SGCZ: variants seen among roughly 807,000 people sequenced by gnomAD.
The protein encoded by SGCZ is sarcoglycan zeta.
SGCZ carries 40 observed loss-of-function variants against 41.3 expected under a neutral mutation model. The observed-to-expected ratio is 0.97, with a 90% CI of 0.75 to 1.26. SGCZ has a LOEUF of 1.26. Ranked by LOEUF, SGCZ falls within the 50% of genes most tolerant of loss-of-function variation. The pLI is 0.00. For missense variants in SGCZ, 552 were observed against 369.8 expected, an observed-to-expected ratio of 1.49 and a Z score of -4.04; for synonymous variants, 206 against 137.5, an observed-to-expected ratio of 1.50 and a Z score of -3.49.
At chr8:14,973,531 A>C (rs1585426393) in intron 1 of SGCZ, among the ~76,000 whole-genome samples, 1 of 152,166 alleles carries the variant, frequency 6.6e-6, no homozygotes, top group Non-Finnish European at 1.5e-5. Context: ...TTGCTTTGAC[A>C]CTACCGTAAT....
At chr8:14,945,393 T>G (rs1482666360) in intron 1 of SGCZ, among the ~76,000 whole-genome samples, 2 of 152,084 alleles carry the variant, frequency 1.3e-5, no homozygotes, top group African/African-American at 4.8e-5. Flanking sequence ...CAATTATAAC[T>G]TATAAGGTTG....
chr8:14,816,199 G>C (rs1317947412), intron 1 of SGCZ, among the ~76,000 whole-genome samples: 1 of 152,168 alleles, frequency 6.6e-6, no homozygotes, highest in South Asian at 2.1e-4. Context: ...ATGCAGTCTC[G>C]ACATATTTCA....
At chr8:14,271,017 A>G (rs2117262981) in intron 3 of SGCZ, among the ~76,000 whole-genome samples, 1 of 152,240 alleles carries the variant, frequency 6.6e-6, no homozygotes, top group East Asian at 1.9e-4. Flanking sequence ...AGGACACAGG[A>G]AGGGGAACAT....
chr8:14,381,102 AT>A (rs1355826306), intron 2 of SGCZ, among the ~76,000 whole-genome samples: 7 of 152,242 alleles, frequency 4.6e-5, no homozygotes, highest in East Asian at 3.9e-4. Flanking sequence ...TAAAAAAAAA[AT>A]ACCTTTGTAA....
chr8:14,260,644 A>G (rs1799627775), intron 3 of SGCZ, among the ~76,000 whole-genome samples: 1 of 151,704 alleles, frequency 6.6e-6, no homozygotes, highest in Non-Finnish European at 1.5e-5. Flanking sequence ...AGACACATGC[A>G]CACGTATGTT....
At chr8:15,212,645 A>C (rs1019311637) in intron 1 of SGCZ, among the ~76,000 whole-genome samples, 5 of 152,106 alleles carry the variant, frequency 3.3e-5, no homozygotes, top group African/African-American at 1.2e-4. Context: ...GGAAGACCTG[A>C]TGAACTTAGA....
At chr8:14,483,247 A>C (rs1371019692) in intron 2 of SGCZ, among the ~76,000 whole-genome samples, 1 of 152,178 alleles carries the variant, frequency 6.6e-6, no homozygotes. Context: ...TACGCGTGAC[A>C]ATCATTGGCA....
chr8:14,165,831 G>A (rs548335794), intron 4 of SGCZ, among the ~76,000 whole-genome samples: 26 of 152,072 alleles, frequency 1.7e-4, no homozygotes, highest in Non-Finnish European at 3.2e-4. Flanking sequence ...GAGATGTGTC[G>A]CTTCTAGTAG....
intron 2 of SGCZ, among the ~76,000 whole-genome samples, chr8:14,433,170 T>A (rs1028077041): frequency 6.6e-6 from 1 of 152,178 alleles, no homozygotes; most frequent in African/African-American, 2.4e-5. Context: ...ACAAAAATAT[T>A]AACATTTTAT....
At chr8:15,014,437 G>T (rs1022570541) in intron 1 of SGCZ, among the ~76,000 whole-genome samples, 2 of 152,158 alleles carry the variant, frequency 1.3e-5, no homozygotes, top group South Asian at 4.1e-4. Context: ...GTAAATGAAG[G>T]CTGGTTTTTA....
chr8:14,890,919 T>C (rs1330670709), intron 1 of SGCZ, among the ~76,000 whole-genome samples: 1 of 152,162 alleles, frequency 6.6e-6, no homozygotes, highest in Middle Eastern at 3.2e-3. Context: ...GCTCTAGAAA[T>C]GGAAAAACAA....
intron 2 of SGCZ, among the ~76,000 whole-genome samples, chr8:14,501,501 T>C (rs1531421): frequency 0.19 from 28,607 of 151,958 alleles, 3,265 homozygotes; most frequent in Admixed American, 0.26. Context: ...TTTTAGCTCT[T>C]ATAATTTACA....
chr8:14,565,620 A>G (rs1585084722), intron 1 of SGCZ, among the ~76,000 whole-genome samples: 1 of 152,280 alleles, frequency 6.6e-6, no homozygotes, highest in African/African-American at 2.4e-5. Flanking sequence ...CAAATTGGCC[A>G]GAAACGCAGC....
At chr8:14,656,546 CCTTT>C (rs1470709647) in intron 1 of SGCZ, among the ~76,000 whole-genome samples, 15 of 133,666 alleles carry the variant, frequency 1.1e-4, no homozygotes, top group East Asian at 2.5e-4. Flanking sequence ...TCTTTCTTTC[CCTTT>C]CTTTTTCTTT....
At chr8:14,623,225 G>T (rs953254872) in intron 1 of SGCZ, among the ~76,000 whole-genome samples, 1 of 152,154 alleles carries the variant, frequency 6.6e-6, no homozygotes, top group African/African-American at 2.4e-5. Context: ...GCAAAGAAAA[G>T]TTAGAAATTC....
intron 1 of SGCZ, among the ~76,000 whole-genome samples, chr8:14,684,371 G>A (rs1017548611): frequency 2.0e-5 from 3 of 152,098 alleles, no homozygotes; most frequent in Non-Finnish European, 4.4e-5. Flanking sequence ...ACGTATTTAT[G>A]TACAGACACA....
chr8:14,168,751 A>G (rs1804285676), intron 4 of SGCZ, among the ~76,000 whole-genome samples: 1 of 152,166 alleles, frequency 6.6e-6, no homozygotes, highest in Non-Finnish European at 1.5e-5. Flanking sequence ...CTAGTCATTA[A>G]GAACTCATTG....
chr8:14,714,940 G>A (rs1809639350), intron 1 of SGCZ, among the ~76,000 whole-genome samples: 2 of 152,070 alleles, frequency 1.3e-5, no homozygotes, highest in African/African-American at 4.8e-5. Flanking sequence ...GTGACAGACA[G>A]ATAAGTTGCA....
chr8:14,261,417 A>G (rs1799661664), intron 3 of SGCZ, among the ~76,000 whole-genome samples: 2 of 152,324 alleles, frequency 1.3e-5, no homozygotes, highest in South Asian at 2.1e-4. Flanking sequence ...TTAAAGAATT[A>G]CCGTAGTGTA....
Sources: gnomAD v4.1 joint callset for allele counts (sites outside exome capture counted in the v4.1 genomes callset) on GRCh38, gnomAD v4.1.1 for gene constraint, MANE v1.5 for transcripts, NCBI Gene and HGNC (gene_info 2026-07-23, HGNC 2026-07-21) for gene names.